Variants in ADAMTS3 observed in about 807,000 individuals in gnomAD.
The protein encoded by ADAMTS3 is A disintegrin and metalloproteinase with thrombospondin motifs 3.
ADAMTS3 carries 73 observed loss-of-function variants against 129.0 expected under a neutral mutation model. That is an observed-to-expected ratio of 0.57 (90% CI 0.47 to 0.69). The LOEUF is 0.69. ADAMTS3 is among the 30% of genes least tolerant of loss of function. ADAMTS3 has a pLI of 0.00. For missense variants in ADAMTS3, 1,457 were observed against 1,514.5 expected (o/e 0.96, Z 0.63); for synonymous variants, 477 against 510.8 (o/e 0.93, Z 0.89).
At position 72,312,283 on chromosome 4, in the gene ADAMTS3, C is replaced by A. The variant is rs1719260440; in HGVS notation, c.1921+8G>T. ...ACACAGCAGGAAGGAGAGCACGAGG[C>A]TACTCACGGTCAGGATGTTCATATG... On this transcript the variant is annotated splice_region_variant and intron_variant, in intron 13 of 21. Coordinates refer to ENST00000286657, the MANE Select transcript of ADAMTS3 (RefSeq NM_014243.3). 1 of 1,613,198 alleles carries A rather than the reference C, an allele frequency of 6.2e-7. No individual in the cohort carries two copies. Among genetic ancestry groups the A allele is most frequent in the Non-Finnish European group, 8.5e-7 (1 of 1,179,540 alleles).
At chr4:72,462,528 G>A (rs969463897) in intron 3 of ADAMTS3, among the ~76,000 whole-genome samples, 3 of 151,886 alleles carry the variant, frequency 2.0e-5, no homozygotes, top group Non-Finnish European at 2.9e-5. Context: ...ACAATGGACT[G>A]CATATATGAT....
chr4:72,525,531 TCA>T (rs1185675749), intron 3 of ADAMTS3, among the ~76,000 whole-genome samples: 1 of 152,214 alleles, frequency 6.6e-6, no homozygotes, highest in Non-Finnish European at 1.5e-5. Context: ...ATACATGTGC[TCA>T]CCTTCTTTTC....
Position 72,548,892 on chromosome 4 carries a change from G to T in ADAMTS3, c.98-8C>A. 6.3e-7 allele frequency: 1 copy of T among 1,597,490 alleles called. No homozygotes were observed. On this transcript the variant is annotated splice_region_variant and splice_polypyrimidine_tract_variant and intron_variant, in intron 2 of 21. Coordinates refer to ENST00000286657, the MANE Select transcript of ADAMTS3 (RefSeq NM_014243.3). ...ATCTCTTTATTGGTAAATCTGTGGG[G>T]TGAAAAACAGAACTGTCAAACCCTG...
At chr4:72,528,521 T>TAAAAAAAAAAAAAAAAAAAAAA (rs11324929) in intron 3 of ADAMTS3, among the ~76,000 whole-genome samples, 1 of 89,682 alleles carries the variant, frequency 1.1e-5, no homozygotes, top group Non-Finnish European at 2.8e-5. Context: ...AAGTGAAAAC[T>TAAAAAAAAAAAAAAAAAAAAAA]AAAAAAAAAA....
At chr4:72,327,759 C>T (rs935066195) in intron 5 of ADAMTS3, among the ~76,000 whole-genome samples, 4 of 152,114 alleles carry the variant, frequency 2.6e-5, no homozygotes, top group African/African-American at 9.7e-5. Flanking sequence ...TGATTCTCAA[C>T]CTTTGAGTTT....
At chr4:72,372,558 C>T (rs1578623738) in intron 4 of ADAMTS3, among the ~76,000 whole-genome samples, 1 of 151,928 alleles carries the variant, frequency 6.6e-6, no homozygotes, top group East Asian at 1.9e-4. Context: ...AAACTTACAA[C>T]TAAAAATCTT....
intron 3 of ADAMTS3, among the ~76,000 whole-genome samples, chr4:72,473,552 GAAAAAAA>G (rs765504651): frequency 2.6e-4 from 31 of 117,276 alleles, no homozygotes; most frequent in African/African-American, 9.6e-4. Flanking sequence ...AAACACCACA[GAAAAAAA>G]AAAAAAAAAC....
chr4:72,297,042 G>T (rs1718828372), intron 18 of ADAMTS3, among the ~76,000 whole-genome samples: 1 of 152,134 alleles, frequency 6.6e-6, no homozygotes, highest in African/African-American at 2.4e-5. Context: ...AAGTGATGTT[G>T]TGTCTTCAGG....
At chr4:72,331,428 G>A (rs1719848530) in intron 5 of ADAMTS3, among the ~76,000 whole-genome samples, 1 of 152,116 alleles carries the variant, frequency 6.6e-6, no homozygotes, top group South Asian at 2.1e-4. Flanking sequence ...AGCATAGTGT[G>A]TAACAGAGTC....
At chr4:72,462,999 TA>T (rs1412507123) in intron 3 of ADAMTS3, among the ~76,000 whole-genome samples, 1 of 151,984 alleles carries the variant, frequency 6.6e-6, no homozygotes, top group Non-Finnish European at 1.5e-5. Flanking sequence ...CTCAGAGTCA[TA>T]CAGAGCAACT....
At chr4:72,424,298 TAA>T (rs1722518111) in intron 3 of ADAMTS3, among the ~76,000 whole-genome samples, 1 of 152,058 alleles carries the variant, frequency 6.6e-6, no homozygotes, top group Non-Finnish European at 1.5e-5. Flanking sequence ...AATCTAACCT[TAA>T]CCAGGAACAT....
chr4:72,395,824 G>A (rs749048738), intron 4 of ADAMTS3, among the ~76,000 whole-genome samples: 3 of 152,176 alleles, frequency 2.0e-5, no homozygotes, highest in Non-Finnish European at 4.4e-5. Flanking sequence ...GTGTGTGTGT[G>A]TGTGTGTGCA....
At chr4:72,530,407 A>C in intron 3 of ADAMTS3, among the ~76,000 whole-genome samples, 2 of 85,792 alleles carry the variant, frequency 2.3e-5, no homozygotes, top group African/African-American at 9.6e-5. Flanking sequence ...ATATGAATTT[A>C]ATATATAATA....
At chr4:72,442,448 G>A (rs539001082) in intron 3 of ADAMTS3, among the ~76,000 whole-genome samples, 2 of 151,806 alleles carry the variant, frequency 1.3e-5, no homozygotes, top group South Asian at 2.1e-4. Context: ...ATGGCAAGAC[G>A]GAGGAAGCAA....
At chr4:72,502,841 G>A (rs1720059741) in intron 3 of ADAMTS3, among the ~76,000 whole-genome samples, 1 of 151,762 alleles carries the variant, frequency 6.6e-6, no homozygotes, top group Non-Finnish European at 1.5e-5. Flanking sequence ...CCTACATTAG[G>A]TACTCCTCCT....
chr4:72,287,595 A>T (rs1718541393), intron 21 of ADAMTS3, among the ~76,000 whole-genome samples: 1 of 151,974 alleles, frequency 6.6e-6, no homozygotes, highest in Non-Finnish European at 1.5e-5. Flanking sequence ...AGACTAGGAG[A>T]GGGAGAGGGA....
chr4:72,372,765 G>C (rs753223536), intron 4 of ADAMTS3, among the ~76,000 whole-genome samples: 1 of 152,026 alleles, frequency 6.6e-6, no homozygotes, highest in African/African-American at 2.4e-5. Context: ...TGCAGTACTT[G>C]TATGCTGAAA....
At chr4:72,305,727 GTATGCACATGTATGTACATATACA>G (rs1204761035) in intron 16 of ADAMTS3, among the ~76,000 whole-genome samples, 2 of 151,494 alleles carry the variant, frequency 1.3e-5, no homozygotes, top group African/African-American at 4.9e-5. Flanking sequence ...TTACATATAC[GTATGCACATGTATGTACATATACA>G]TATGCACATG....
intron 12 of ADAMTS3, among the ~76,000 whole-genome samples, 189 bp from the exon 13 acceptor site, chr4:72,312,655 CAA>C (rs557400682): frequency 1.3e-5 from 2 of 151,820 alleles, no homozygotes; most frequent in South Asian, 4.2e-4. Context: ...AAAAATAAAA[CAA>C]AACACAAAGC....
Sources: allele counts gnomAD v4.1 joint callset (sites outside exome capture counted in the v4.1 genomes callset), GRCh38; gene constraint gnomAD v4.1.1; transcripts MANE v1.5; gene names NCBI Gene and HGNC (gene_info 2026-07-23, HGNC 2026-07-21).